NAALADL2: variants seen among roughly 807,000 people sequenced by gnomAD.
NAALADL2 encodes N-acetylated alpha-linked acidic dipeptidase like 2.
A neutral mutation model predicts 87.2 loss-of-function variants in NAALADL2; 76 were observed. The observed-to-expected ratio is 0.87, with a 90% CI of 0.72 to 1.05. The LOEUF is 1.05. Ranked by LOEUF, NAALADL2 falls within the 50% of genes least tolerant of loss-of-function variation. NAALADL2 has a pLI of 0.00. For synonymous variants in NAALADL2, 354 were observed against 331.0 expected, an observed-to-expected ratio of 1.07 and a Z score of -0.75; for missense variants, 1,089 against 945.8, an observed-to-expected ratio of 1.15 and a Z score of -1.99.
At chr3:175,606,520 A>G (rs1038442381) in intron 10 of NAALADL2, among the ~76,000 whole-genome samples, 1 of 152,094 alleles carries the variant, frequency 6.6e-6, no homozygotes, top group East Asian at 1.9e-4. Flanking sequence ...GCTTAAATTC[A>G]CCTAAAATAT....
At chr3:174,602,362 T>G (rs1718538472) in intron 2 of NAALADL2, among the ~76,000 whole-genome samples, 1 of 152,068 alleles carries the variant, frequency 6.6e-6, no homozygotes, top group African/African-American at 2.4e-5. Context: ...TATTTAATTT[T>G]ATTCATACCT....
At chr3:174,912,152 C>T (rs1401497812) in intron 1 of NAALADL2, among the ~76,000 whole-genome samples, 1 of 151,772 alleles carries the variant, frequency 6.6e-6, no homozygotes, top group Non-Finnish European at 1.5e-5. Context: ...TCTCATTTTC[C>T]ATAAAAGAAA....
intron 1 of NAALADL2, among the ~76,000 whole-genome samples, chr3:174,906,062 C>T (rs1579458667): frequency 1.3e-5 from 2 of 152,124 alleles, no homozygotes; most frequent in South Asian, 2.1e-4. Flanking sequence ...CAGTTTAATA[C>T]TACAATATAA....
intron 9 of NAALADL2, among the ~76,000 whole-genome samples, chr3:175,523,514 AG>A (rs2149425457): frequency 6.6e-6 from 1 of 152,364 alleles, no homozygotes; most frequent in South Asian, 2.1e-4. Context: ...TTATAAATAA[AG>A]TTTTGGTGCC....
At chr3:175,302,661 T>C (rs1335119532) in intron 4 of NAALADL2, among the ~76,000 whole-genome samples, 4 of 152,102 alleles carry the variant, frequency 2.6e-5, no homozygotes, top group Non-Finnish European at 5.9e-5. Flanking sequence ...TAATAATGTA[T>C]GTTAGAAAAT....
intron 3 of NAALADL2, among the ~76,000 whole-genome samples, chr3:174,752,089 T>C (rs1257810975): frequency 6.6e-6 from 1 of 152,242 alleles, no homozygotes; most frequent in Non-Finnish European, 1.5e-5. Flanking sequence ...GCCATTCTCC[T>C]GCCTCAGCCT....
chr3:175,320,242 C>A (rs1212829883), intron 4 of NAALADL2, among the ~76,000 whole-genome samples: 3 of 152,024 alleles, frequency 2.0e-5, no homozygotes, highest in Non-Finnish European at 4.4e-5. Context: ...AAAAAAAAAT[C>A]AATTTAAAGA....
intron 4 of NAALADL2, among the ~76,000 whole-genome samples, chr3:175,280,530 A>G (rs988188882): frequency 2.0e-5 from 3 of 152,108 alleles, no homozygotes; most frequent in African/African-American, 7.2e-5. Flanking sequence ...GAATAAGATT[A>G]GGCAGGTTGT....
chr3:174,491,264 G>A (rs1718176997), intron 1 of NAALADL2, among the ~76,000 whole-genome samples: 1 of 151,972 alleles, frequency 6.6e-6, no homozygotes, highest in Non-Finnish European at 1.5e-5. Context: ...TATAACTGCA[G>A]GCCATGATTA....
chr3:175,765,790 G>A lies in NAALADL2; in HGVS notation c.2189+10372G>A, dbSNP rs112661768. On this transcript the variant is annotated intron_variant, in intron 13 of 13. Transcript: ENST00000454872. ...ATAGAGGATGATTTATGTATGCCAG[G>A]CACTGTGCTGCACATTTTTCATGTA... Among the ~76,000 whole-genome samples, 215 of 152,114 alleles carry A rather than the reference G, an allele frequency of 1.4e-3. 2 individuals carry two copies. Among genetic ancestry groups the A allele is most frequent in the African/African-American group, 4.8e-3 (199 of 41,524 alleles).
At chr3:175,086,398 G>C (rs1202402642) in intron 1 of NAALADL2, among the ~76,000 whole-genome samples, 1 of 151,820 alleles carries the variant, frequency 6.6e-6, no homozygotes, top group African/African-American at 2.4e-5. Flanking sequence ...TTTAAAAATA[G>C]AGGGAGCATT....
intron 1 of NAALADL2, among the ~76,000 whole-genome samples, chr3:174,444,345 C>T (rs1714887463): frequency 1.3e-5 from 2 of 151,986 alleles, no homozygotes; most frequent in Admixed American, 6.5e-5. Flanking sequence ...TTTATGAGAT[C>T]CAGGTGTGGT....
rs117077278 is a variant in NAALADL2 at position 175,533,544 on chromosome 3, T to A, written c.1654-42497T>A. Among the ~76,000 whole-genome samples the A allele has an allele frequency of 1.1e-4, 17 of 152,260 alleles. No homozygotes were observed. In the East Asian group the frequency reaches 3.3e-3, roughly 29 times the overall value. ...CACTACTGGGGATGGGGAAGCTGTT[T>A]ATTCTGGCAAAAAATGCTCATCAGA... On this transcript the variant is annotated intron_variant, in intron 9 of 13. Coordinates refer to ENST00000454872, the MANE Select transcript of NAALADL2 (RefSeq NM_207015.3).
chr3:175,636,133 T>C (rs77473445), intron 11 of NAALADL2, among the ~76,000 whole-genome samples: 1 of 152,136 alleles, frequency 6.6e-6, no homozygotes, highest in Non-Finnish European at 1.5e-5. Context: ...GGCTAATTAA[T>C]GGCACCGATT....
At chr3:175,268,270 TAGTA>T (rs1015426077) in intron 4 of NAALADL2, among the ~76,000 whole-genome samples, 14 of 152,164 alleles carry the variant, frequency 9.2e-5, no homozygotes, top group African/African-American at 2.7e-4. Flanking sequence ...TATAATGTAG[TAGTA>T]AGTATTTGTG....
intron 9 of NAALADL2, among the ~76,000 whole-genome samples, chr3:175,480,807 A>G (rs1394988790): frequency 6.6e-6 from 1 of 151,918 alleles, no homozygotes; most frequent in Non-Finnish European, 1.5e-5. Context: ...CACAAGGGTG[A>G]TTGACATTTT....
intron 1 of NAALADL2, among the ~76,000 whole-genome samples, chr3:174,885,205 G>A (rs559299554): frequency 6.6e-6 from 1 of 152,248 alleles, no homozygotes; most frequent in Admixed American, 6.5e-5. Flanking sequence ...CACCTGGTGA[G>A]GCTGTGCATG....
chr3:175,595,374 G>T (rs1038760043), intron 10 of NAALADL2, among the ~76,000 whole-genome samples: 1 of 151,952 alleles, frequency 6.6e-6, no homozygotes, highest in African/African-American at 2.4e-5. Flanking sequence ...TTTTGTACTA[G>T]TACCTTGCTT....
At chr3:174,809,503 A>G (rs774102998) in intron 3 of NAALADL2, among the ~76,000 whole-genome samples, 2 of 152,180 alleles carry the variant, frequency 1.3e-5, no homozygotes, top group Non-Finnish European at 2.9e-5. Context: ...TGACTTTTCT[A>G]TAGTGACCAA....
Sources: gnomAD v4.1 joint callset for allele counts (sites outside exome capture counted in the v4.1 genomes callset) on GRCh38, gnomAD v4.1.1 for gene constraint, MANE v1.5 for transcripts, NCBI Gene and HGNC (gene_info 2026-07-23, HGNC 2026-07-21) for gene names.